TRIM71: variants seen among roughly 807,000 people sequenced by gnomAD.
TRIM71 encodes the protein E3 ubiquitin-protein ligase TRIM71.
A neutral mutation model predicts 61.2 loss-of-function variants in TRIM71; 9 were observed. The ratio of observed to expected loss-of-function variants is 0.15; its 90% CI spans 0.09 to 0.26. The LOEUF is 0.26. Among genes scored for constraint, TRIM71 ranks in the 10% least tolerant of loss-of-function variants. The pLI, the probability that TRIM71 is intolerant of heterozygous loss-of-function variation, is 1.00. For synonymous variants in TRIM71, 645 were observed against 553.2 expected (o/e 1.17, Z -2.33); for missense variants, 998 against 1,238.7 (o/e 0.81, Z 2.92).
chr3:32,838,283 G>A (rs1696357714), intron 1 of TRIM71, among the ~76,000 whole-genome samples: 1 of 152,102 alleles, frequency 6.6e-6, no homozygotes, highest in African/African-American at 2.4e-5. Flanking sequence ...GAGTGCAGTG[G>A]TGTGAGCTCC....
intron 1 of TRIM71, among the ~76,000 whole-genome samples, chr3:32,855,546 A>C (rs556955697): frequency 1.4e-4 from 21 of 152,294 alleles, no homozygotes; most frequent in African/African-American, 4.6e-4. Flanking sequence ...TTTTGCTGCT[A>C]CATGGGGAAC....
chr3:32,841,598 AC>A (rs1696406646), intron 1 of TRIM71, among the ~76,000 whole-genome samples: 2 of 152,160 alleles, frequency 1.3e-5, no homozygotes, highest in African/African-American at 2.4e-5. Flanking sequence ...AGCGTGGGCC[AC>A]GAGTGAGGCC....
chr3:32,886,135 A>G (rs1326724665), intron 3 of TRIM71, 67 bp downstream of exon 3: 2 of 1,512,990 alleles, frequency 1.3e-6, no homozygotes, highest in African/African-American at 1.4e-5. Flanking sequence ...GCAGCACTCT[A>G]CGGGACTCTT....
At position 32,891,848 on chromosome 3, in the gene TRIM71, G is replaced by A. The variant is rs755127392; in HGVS notation, c.*37G>A. The stretch of plus-strand genomic sequence containing the variant: ...AGGTTTCTGTGTTTGGGGTGTGTGT[G>A]CGTGTCTCTCTCTCTCTCTCTCTCT... On this transcript the variant is annotated 3_prime_UTR_variant, in exon 4 of 4. Transcript: ENST00000383763. The surrounding 1 kb of genome is among the most constrained non-coding windows in gnomAD (Gnocchi z 8.2). The A allele has an allele frequency of 1.1e-5, 18 of 1,582,532 alleles. No homozygotes were observed. The highest frequency in any genetic ancestry group is 7.2e-5 in the Admixed American group (4 of 55,674).
rs73044171 is a variant in TRIM71, at chr3:32,855,494, G to A, written c.853-18324G>A. Among the ~76,000 whole-genome samples, 586 of 152,198 alleles carry A rather than the reference G, an allele frequency of 3.9e-3. 4 individuals are homozygous for A. The highest frequency in any genetic ancestry group is 0.014 in the Middle Eastern group (4 of 294). On this transcript the variant is annotated intron_variant, in intron 1 of 3. Transcript: ENST00000383763. ...GAGCCTCTGGAGGGTTTTAAAGAGGGGTGTGGCGTGATATGTCTCTGACCT... is the reference window on the plus strand; with the variant it reads ...GAGCCTCTGGAGGGTTTTAAAGAGGAGTGTGGCGTGATATGTCTCTGACCT...
chr3:32,883,044 C>T (rs1696926617), intron 2 of TRIM71, among the ~76,000 whole-genome samples: 1 of 152,198 alleles, frequency 6.6e-6, no homozygotes, highest in East Asian at 1.9e-4. Flanking sequence ...GTGCTCTTTG[C>T]CCCAGCAGTT....
At chr3:32,864,529 G>A (rs1361093787) in intron 1 of TRIM71, among the ~76,000 whole-genome samples, 3 of 152,234 alleles carry the variant, frequency 2.0e-5, no homozygotes, top group African/African-American at 7.2e-5. Flanking sequence ...GGCCTAGGGA[G>A]CTGGTGCCCG....
Position 32,894,540 on chromosome 3 carries a change from T to C in TRIM71, c.*2729T>C, listed in dbSNP as rs951512604. On this transcript the variant is annotated 3_prime_UTR_variant, in exon 4 of 4. Coordinates refer to ENST00000383763, the MANE Select transcript of TRIM71 (RefSeq NM_001039111.3). The stretch of plus-strand genomic sequence containing the variant: ...ACTACCTCTTTGTCCTCAGTGGTGG[T>C]ATATCTATCTCCTTACCTTTCTGTA... 6.6e-6 allele frequency: 1 copy of C among 152,216 alleles called. No individual in the cohort carries two copies. The highest frequency in any genetic ancestry group is 1.5e-5 in the Non-Finnish European group (1 of 68,044). 9.4% of individuals were successfully genotyped at this position (152,216 alleles called of 1,614,324 possible). A position where few individuals can be genotyped will look rare whatever the true frequency, so the allele number is the denominator to read the frequency against.
At chr3:32,868,683 A>AG (rs1696765395) in intron 1 of TRIM71, among the ~76,000 whole-genome samples, 1 of 147,670 alleles carries the variant, frequency 6.8e-6, no homozygotes, top group East Asian at 2.4e-4. Flanking sequence ...GTGAGACATT[A>AG]GGGTTTTTTT....
chr3:32,877,380 AG>A lies in TRIM71; in HGVS notation c.1020+3397del, dbSNP rs1173306020. Among the ~76,000 whole-genome samples the A allele has an allele frequency of 3.3e-5, 5 of 150,738 alleles. No individual in the cohort carries two copies. The South Asian group carries it at 6.3e-4, about 19-fold the overall frequency. ...CGGCTTTTCAAAGTGTTGGGATATCAGGTGTGAGCCACCGCGCCTGGCCATT... is the reference window on the plus strand; with the variant it reads ...CGGCTTTTCAAAGTGTTGGGATATCAGTGTGAGCCACCGCGCCTGGCCATT... On this transcript the variant is annotated intron_variant, in intron 2 of 3. Coordinates refer to ENST00000383763, the MANE Select transcript of TRIM71 (RefSeq NM_001039111.3).
intron 1 of TRIM71, among the ~76,000 whole-genome samples, chr3:32,832,108 G>GGA (rs1553643631): frequency 2.0e-5 from 3 of 152,050 alleles, no homozygotes; most frequent in African/African-American, 7.2e-5. Flanking sequence ...GGTGGGGGGG[G>GGA]ATTCTCTACT....
chr3:32,840,102 CT>C (rs1696386843), intron 1 of TRIM71, among the ~76,000 whole-genome samples: 1 of 152,194 alleles, frequency 6.6e-6, no homozygotes, highest in African/African-American at 2.4e-5. Flanking sequence ...CTCTGCAAGC[CT>C]CCTCCAAAAC....
At chr3:32,889,666 G>A (rs1463977954) in intron 3 of TRIM71, among the ~76,000 whole-genome samples, 1 of 151,274 alleles carries the variant, frequency 6.6e-6, no homozygotes, top group East Asian at 1.9e-4. Context: ...TCTACTCACT[G>A]CAACCTCCGC....
intron 3 of TRIM71, among the ~76,000 whole-genome samples, chr3:32,887,462 CTCTT>C (rs963079833): frequency 6.8e-6 from 1 of 148,142 alleles, no homozygotes; most frequent in Non-Finnish European, 1.5e-5. Context: ...GGGTCCCTCT[CTCTT>C]TGACTAATTA....
chr3:32,877,941 T>TA (rs1484221062), intron 2 of TRIM71, among the ~76,000 whole-genome samples: 1 of 152,206 alleles, frequency 6.6e-6, no homozygotes, highest in Admixed American at 6.5e-5. Context: ...AATGCTCTTT[T>TA]ATAGTATCTC....
At position 32,896,254 on chromosome 3, in the gene TRIM71, C is replaced by G. The variant is rs1432286575; in HGVS notation, c.*4443C>G. 6.6e-6 allele frequency: 1 copy of G among 152,136 alleles called. No homozygotes were observed. Among genetic ancestry groups the G allele is most frequent in the African/African-American group, 2.4e-5 (1 of 41,446 alleles). The allele number at this position is 152,136 out of a possible 1,614,324, so 9.4% of individuals were successfully genotyped here. A position where few individuals can be genotyped will look rare whatever the true frequency, so the allele number is the denominator to read the frequency against. On this transcript the variant is annotated 3_prime_UTR_variant, in exon 4 of 4. Coordinates refer to ENST00000383763, the MANE Select transcript of TRIM71 (RefSeq NM_001039111.3). ...CTAAAGGTCTAGATCTTGGAAACAT[C>G]AAATATTTGAAGGGAATGAGAATCC...
In TRIM71 at chr3:32,893,646, G is replaced by C. The variant is rs1047270021; in HGVS notation, c.*1835G>C. 8.5e-5 allele frequency: 13 copies of C among 152,184 alleles called. No individual in the cohort carries two copies. The highest frequency in any genetic ancestry group is 3.9e-4 in the Admixed American group (6 of 15,278). 9.4% of individuals were successfully genotyped at this position (152,184 alleles called of 1,614,324 possible). A position where few individuals can be genotyped will look rare whatever the true frequency, so the allele number is the denominator to read the frequency against. Reference sequence around the variant, plus strand: ...AAGAGAAATTTCTATTGCAAAATGGGTATCGTTTTAAATGAGCAGAACAGA... The same window carrying C: ...AAGAGAAATTTCTATTGCAAAATGGCTATCGTTTTAAATGAGCAGAACAGA... On this transcript the variant is annotated 3_prime_UTR_variant, in exon 4 of 4. Coordinates refer to ENST00000383763, the MANE Select transcript of TRIM71 (RefSeq NM_001039111.3).
Position 32,818,067 on chromosome 3 carries a change from G to C in TRIM71, c.-14G>C, listed in dbSNP as rs781481786. Reference sequence around the variant, plus strand: ...TCCTCTCTGGTCTCCTCCCTCCTCCGGGCTGGGTTGCAAATGGCTTCGTTC... The same window carrying C: ...TCCTCTCTGGTCTCCTCCCTCCTCCCGGCTGGGTTGCAAATGGCTTCGTTC... On this transcript the variant is annotated 5_prime_UTR_variant, in exon 1 of 4. Transcript: ENST00000383763. The C allele has an allele frequency of 3.1e-6, 5 of 1,609,308 alleles. No individual in the cohort carries two copies. In the African/African-American group the frequency reaches 4.0e-5, roughly 13 times the overall value.
intron 1 of TRIM71, among the ~76,000 whole-genome samples, chr3:32,841,028 T>C: frequency 6.7e-6 from 1 of 148,206 alleles, no homozygotes; most frequent in East Asian, 2.1e-4. Context: ...GGGTGGACCA[T>C]GAGGTCAGGA....
Sources: allele counts gnomAD v4.1 joint callset (sites outside exome capture counted in the v4.1 genomes callset), GRCh38; gene constraint gnomAD v4.1.1; non-coding constraint Gnocchi (gnomAD v3.1); transcripts MANE v1.5; gene names NCBI Gene and HGNC (gene_info 2026-07-23, HGNC 2026-07-21).